SRP9: variants seen among roughly 807,000 people sequenced by gnomAD.
SRP9 encodes the protein signal recognition particle 9.
Under a neutral mutation model 11.7 loss-of-function variants are expected in SRP9, and 2 were observed. That is an observed-to-expected ratio of 0.17 (90% CI 0.07 to 0.54). The LOEUF (loss-of-function observed/expected upper bound fraction) is 0.54, where lower values mean the gene tolerates loss of function less well. Ranked by LOEUF, SRP9 falls within the 20% of genes least tolerant of loss-of-function variation. The probability of loss-of-function intolerance (pLI) is 0.94; values close to 1 mark genes in which losing one functional copy is unlikely to be tolerated. For synonymous variants in SRP9, 27 were observed against 35.6 expected (o/e 0.76, Z 0.86); for missense variants, 54 against 108.1 (o/e 0.50, Z 2.22).
At chr1:225,780,070 C>T (rs1665762587) in intron 1 of SRP9, among the ~76,000 whole-genome samples, 1 of 152,052 alleles carries the variant, frequency 6.6e-6, no homozygotes, top group South Asian at 2.1e-4. Flanking sequence ...GGCTGGAGTG[C>T]AGTGGCACAA....
intron 2 of SRP9, among the ~76,000 whole-genome samples, chr1:225,787,378 C>T (rs759971991): frequency 6.6e-6 from 1 of 151,908 alleles, no homozygotes; most frequent in African/African-American, 2.4e-5. Context: ...ACTAAAAATA[C>T]AAATATTAGC....
chr1:225,781,010 T>G (rs1665783471), intron 1 of SRP9, among the ~76,000 whole-genome samples: 1 of 152,220 alleles, frequency 6.6e-6, no homozygotes, highest in Admixed American at 6.5e-5. Context: ...CTGACCCATC[T>G]CCAGTCTTTC....
chr1:225,786,317 A>C (rs1018929996), intron 2 of SRP9, among the ~76,000 whole-genome samples: 1 of 152,224 alleles, frequency 6.6e-6, no homozygotes, highest in South Asian at 2.1e-4. Context: ...ACTGCCCTTC[A>C]AGACAATAGA....
intron 1 of SRP9, among the ~76,000 whole-genome samples, chr1:225,781,125 A>G (rs903147379): frequency 3.3e-5 from 5 of 152,164 alleles, no homozygotes; most frequent in African/African-American, 4.8e-5. Context: ...GCCTTCTTCT[A>G]TAAGGTTAAA....
At chr1:225,786,098 C>G (rs1249522829) in intron 2 of SRP9, among the ~76,000 whole-genome samples, 1 of 152,220 alleles carries the variant, frequency 6.6e-6, no homozygotes, top group Non-Finnish European at 1.5e-5. Flanking sequence ...TGTAAGAGCT[C>G]CTTTAATGTG....
chr1:225,780,700 A>G (rs536857573), intron 1 of SRP9, among the ~76,000 whole-genome samples: 2 of 152,330 alleles, frequency 1.3e-5, no homozygotes, highest in Admixed American at 1.3e-4. Context: ...TGCTAGGGCT[A>G]AAGAACAAAT....
chr1:225,777,911 C>G lies in SRP9; in HGVS notation c.-30C>G, dbSNP rs201121310. On this transcript the variant is annotated 5_prime_UTR_variant, in exon 1 of 3. Coordinates refer to ENST00000304786, the MANE Select transcript of SRP9 (RefSeq NM_003133.6). ...TGTTGGGCCGGGTTCTGAGGCCTTG[C>G]TTCTCTTTACTTTTCCACTCTAGGC... 76 of 1,603,474 alleles carry G rather than the reference C, an allele frequency of 4.7e-5. No individual in the cohort carries two copies. The Middle Eastern group carries it at 6.8e-4, about 14-fold the overall frequency.
At chr1:225,779,513 T>G (rs1665754201) in intron 1 of SRP9, among the ~76,000 whole-genome samples, 1 of 152,186 alleles carries the variant, frequency 6.6e-6, no homozygotes, top group African/African-American at 2.4e-5. Flanking sequence ...TTTAAGTGTA[T>G]GCAGTGAGCT....
At chr1:225,784,821 GAC>G (rs1665870471) in intron 2 of SRP9, among the ~76,000 whole-genome samples, 1 of 152,060 alleles carries the variant, frequency 6.6e-6, no homozygotes, top group Admixed American at 6.5e-5. Context: ...CAGCCTGGGT[GAC>G]ACAGCAAGAC....
rs201568819 is a variant in SRP9 at position 225,789,337 on chromosome 1, A to G, written c.239A>G (p.Asn80Ser). The change falls in exon 3 of 3, where the codon AAT (asparagine) becomes AGT (serine). Residue 80 changes from asparagine (N) to serine (S), a missense_variant. Physicochemically the swap from Asn to Ser is conservative, Grantham distance 46. Coordinates refer to ENST00000304786, the MANE Select transcript of SRP9 (RefSeq NM_003133.6). ...MRLMVAKEAR[N>S]VTMETE is the part of the protein sequence containing the mutation. The stretch of plus-strand genomic sequence containing the variant: ...CTTATGGTAGCCAAGGAAGCCCGCA[A>G]TGTTACCATGGAAACTGAGTGAATG... 165 of 1,603,106 alleles carry G rather than the reference A, an allele frequency of 1.0e-4. No individual in the cohort carries two copies. The highest frequency in any genetic ancestry group is 4.8e-4 in the African/African-American group (36 of 74,402).
chr1:225,787,218 A>G (rs1485123052), intron 2 of SRP9, among the ~76,000 whole-genome samples: 1 of 152,090 alleles, frequency 6.6e-6, no homozygotes, highest in African/African-American at 2.4e-5. Context: ...TGCTGAAGAA[A>G]AACCCCTATG....
At chr1:225,787,484 A>G (rs1665941835) in intron 2 of SRP9, among the ~76,000 whole-genome samples, 1 of 152,166 alleles carries the variant, frequency 6.6e-6, no homozygotes, top group South Asian at 2.1e-4. Context: ...CAATGAGCCA[A>G]GATTGTGCCA....
intron 2 of SRP9, among the ~76,000 whole-genome samples, chr1:225,785,124 TG>T (rs954007924): frequency 2.0e-5 from 3 of 151,470 alleles, no homozygotes; most frequent in African/African-American, 7.3e-5. Flanking sequence ...AAGGCTGGAG[TG>T]CAGTGGGCGA....
chr1:225,785,515 G>A (rs1010034246), intron 2 of SRP9, among the ~76,000 whole-genome samples: 2 of 151,738 alleles, frequency 1.3e-5, no homozygotes, highest in Non-Finnish European at 2.9e-5. Context: ...TGAGTAGCTG[G>A]GACTACAGGC....
rs543492724 is a variant in SRP9 at position 225,787,254 on chromosome 1, G to T, written c.142-1986G>T. On this transcript the variant is annotated intron_variant, in intron 2 of 2. Transcript: ENST00000304786. ...TCCTGTCTTAAAAATAGGGGAATAG[G>T]CCGGGCGCGGTGGCTCGTGCTGGTA... 5.3e-5 allele frequency among the ~76,000 whole-genome samples: 8 copies of T among 152,258 alleles called. No individual in the cohort carries two copies. The South Asian group carries it at 1.5e-3, about 28-fold the overall frequency.
intron 1 of SRP9, among the ~76,000 whole-genome samples, chr1:225,778,424 C>T (rs1015747623): frequency 6.6e-6 from 1 of 152,226 alleles, no homozygotes; most frequent in African/African-American, 2.4e-5. Context: ...TTTTCTACTA[C>T]CGCTCAGACA....
Position 225,789,489 on chromosome 1 carries a change from A to G in SRP9, c.*130A>G, listed in dbSNP as rs1665985351. The G allele has an allele frequency of 5.4e-6, 6 of 1,118,380 alleles. No individual in the cohort carries two copies. The highest frequency in any genetic ancestry group is 7.4e-6 in the Non-Finnish European group (6 of 812,672). The allele number at this position is 1,118,380 out of a possible 1,614,324, so 69.3% of individuals were successfully genotyped here. A position where few individuals can be genotyped will look rare whatever the true frequency, so the allele number is the denominator to read the frequency against. On this transcript the variant is annotated 3_prime_UTR_variant, in exon 3 of 3. Transcript: ENST00000304786. ...CAGAAGCTTAGAGGTCATTTTTTGT[A>G]ATTTTCTTTTTAATTACTTTAGAGA...
rs3753651 is a variant in SRP9 at position 225,780,998 on chromosome 1, G to C, written c.73-2302G>C. On this transcript the variant is annotated intron_variant, in intron 1 of 2. Coordinates refer to ENST00000304786, the MANE Select transcript of SRP9 (RefSeq NM_003133.6). Reference sequence around the variant, plus strand: ...GATATAGTCCCAACTCCCAGTCACAGTCTGACCCATCTCCAGTCTTTCTGG... The same window carrying C: ...GATATAGTCCCAACTCCCAGTCACACTCTGACCCATCTCCAGTCTTTCTGG... Among the ~76,000 whole-genome samples the C allele has an allele frequency of 2.9e-3, 443 of 152,294 alleles. 11 individuals are homozygous for C. In the East Asian group the frequency reaches 0.042, roughly 14 times the overall value.
intron 2 of SRP9, among the ~76,000 whole-genome samples, chr1:225,788,416 T>A (rs984025552): frequency 1.0e-4 from 8 of 79,276 alleles, no homozygotes; most frequent in African/African-American, 1.3e-4. Flanking sequence ...AAATCAAGAT[T>A]TTTTTTTTTT....
Sources: allele counts gnomAD v4.1 joint callset (sites outside exome capture counted in the v4.1 genomes callset), GRCh38; gene constraint gnomAD v4.1.1; transcripts MANE v1.5; gene names NCBI Gene and HGNC (gene_info 2026-07-23, HGNC 2026-07-21).